The following GRIK2 variants were observed in gnomAD, a reference collection of about 807,000 sequenced individuals.
GRIK2 encodes the protein glutamate ionotropic receptor kainate type subunit 2, also known as glutamate receptor ionotropic, kainate 2.
A neutral mutation model predicts 100.3 loss-of-function variants in GRIK2; 32 were observed. That is an observed-to-expected ratio of 0.32 (90% CI 0.24 to 0.43). The LOEUF is 0.43. Ranked by LOEUF, GRIK2 falls within the 20% of genes least tolerant of loss-of-function variation. The pLI, the probability that GRIK2 is intolerant of heterozygous loss-of-function variation, is 1.00. For missense variants in GRIK2, 843 were observed against 1,114.9 expected, an observed-to-expected ratio of 0.76 and a Z score of 3.47; for synonymous variants, 417 against 389.4, an observed-to-expected ratio of 1.07 and a Z score of -0.83.
At chr6:101,470,379 T>A (rs531514339) in intron 2 of GRIK2, among the ~76,000 whole-genome samples, 13 of 152,148 alleles carry the variant, frequency 8.5e-5, no homozygotes, top group Non-Finnish European at 1.8e-4. Context: ...AGCTTCTTTA[T>A]TGTGGCCTCT....
intron 7 of GRIK2, among the ~76,000 whole-genome samples, chr6:101,703,421 A>C (rs897772253): frequency 1.3e-5 from 2 of 151,868 alleles, no homozygotes; most frequent in African/African-American, 4.8e-5. Context: ...TCAAGCTATG[A>C]GAACTGCTTA....
At chr6:101,703,808 G>C (rs1042074725) in intron 7 of GRIK2, among the ~76,000 whole-genome samples, 86 of 151,474 alleles carry the variant, frequency 5.7e-4, no homozygotes, top group African/African-American at 2.0e-3. Flanking sequence ...GTCTTAGATA[G>C]AAGCAGGGAT....
At chr6:101,761,215 C>T (rs1777639254) in intron 7 of GRIK2, among the ~76,000 whole-genome samples, 1 of 152,120 alleles carries the variant, frequency 6.6e-6, no homozygotes, top group South Asian at 2.1e-4. Context: ...CTTTGAATTC[C>T]ATGGCTACAA....
At chr6:101,765,075 CCTT>C (rs748625807) in intron 7 of GRIK2, among the ~76,000 whole-genome samples, 4 of 152,162 alleles carry the variant, frequency 2.6e-5, no homozygotes, top group Admixed American at 6.5e-5. Flanking sequence ...ACATCTTTCT[CCTT>C]CTCCACCTAA....
intron 7 of GRIK2, among the ~76,000 whole-genome samples, chr6:101,740,963 G>A (rs1775990054): frequency 6.6e-6 from 1 of 152,114 alleles, no homozygotes; most frequent in Admixed American, 6.6e-5. Context: ...AGATTTTTGA[G>A]GGGACAATTA....
chr6:102,004,948 T>G (rs2114279631), intron 14 of GRIK2, among the ~76,000 whole-genome samples: 1 of 151,952 alleles, frequency 6.6e-6, no homozygotes, highest in East Asian at 1.9e-4. Context: ...TAATATTAAT[T>G]TCTGGCATAA....
At chr6:102,012,533 A>G (rs1206756094) in intron 14 of GRIK2, among the ~76,000 whole-genome samples, 1 of 152,122 alleles carries the variant, frequency 6.6e-6, no homozygotes, top group Non-Finnish European at 1.5e-5. Context: ...TCATCAGAGT[A>G]TTATACTTTT....
rs1041330834 is a variant in GRIK2 at position 101,971,092 on chromosome 6, A to G, written c.2085+42460A>G. Among the ~76,000 whole-genome samples the G allele has an allele frequency of 9.3e-5, 14 of 150,818 alleles. 1 individual carries two copies. The highest frequency in any genetic ancestry group is 6.6e-4 in the Admixed American group (10 of 15,176). On this transcript the variant is annotated intron_variant, in intron 14 of 16. Coordinates refer to ENST00000369134, the MANE Select transcript of GRIK2 (RefSeq NM_021956.5). ...AGTTTGTACTTCTAAATTTTAGAAA[A>G]AGTTGTGAATTTTGAAATTTTTTCA...
chr6:101,910,075 T>C (rs1037401286), intron 12 of GRIK2, among the ~76,000 whole-genome samples: 13 of 151,216 alleles, frequency 8.6e-5, no homozygotes, highest in African/African-American at 3.1e-4. Flanking sequence ...AGAATTTGAG[T>C]ATTAAACAGA....
chr6:101,940,570 C>G (rs1162116481), intron 14 of GRIK2, among the ~76,000 whole-genome samples: 1 of 152,098 alleles, frequency 6.6e-6, no homozygotes, highest in African/African-American at 2.4e-5. Context: ...TTCCTAATCT[C>G]AGGCCTAATG....
At chr6:101,576,550 G>A (rs1337770752) in intron 2 of GRIK2, among the ~76,000 whole-genome samples, 1 of 151,840 alleles carries the variant, frequency 6.6e-6, no homozygotes, top group Non-Finnish European at 1.5e-5. Context: ...GGAAACTGAT[G>A]TGTTTACCAA....
chr6:101,641,802 C>T (rs1425448712), intron 4 of GRIK2, among the ~76,000 whole-genome samples: 1 of 151,894 alleles, frequency 6.6e-6, no homozygotes, highest in Non-Finnish European at 1.5e-5. Context: ...AAAAAGCATT[C>T]ACAGAGCCTA....
intron 2 of GRIK2, among the ~76,000 whole-genome samples, chr6:101,493,738 T>C (rs989577779): frequency 2.6e-5 from 4 of 151,612 alleles, no homozygotes; most frequent in African/African-American, 9.6e-5. Flanking sequence ...TTTGCCTCTA[T>C]AAAAACATTA....
chr6:101,508,124 G>A (rs902594307), intron 2 of GRIK2, among the ~76,000 whole-genome samples: 2 of 151,174 alleles, frequency 1.3e-5, no homozygotes, highest in African/African-American at 2.4e-5. Context: ...AAGTAATCCT[G>A]TTTTAAAGAT....
chr6:101,699,594 T>C (rs1772738299), intron 7 of GRIK2, among the ~76,000 whole-genome samples: 3 of 152,106 alleles, frequency 2.0e-5, no homozygotes, highest in African/African-American at 7.2e-5. Flanking sequence ...GTCTTGATTG[T>C]TTTTCTCCTA....
Position 101,621,022 on chromosome 6 carries a change from G to A in GRIK2, c.116-927G>A, listed in dbSNP as rs546996734. ...ATACTAGTTTTATTCATTGATTAAA[G>A]GAGTTGCATTGTTTTGGAGAGGCAT... On this transcript the variant is annotated intron_variant, in intron 2 of 16. Coordinates refer to ENST00000369134, the MANE Select transcript of GRIK2 (RefSeq NM_021956.5). Among the ~76,000 whole-genome samples, 28 of 152,268 alleles carry A rather than the reference G, an allele frequency of 1.8e-4. No individual in the cohort carries two copies. In the South Asian group the frequency reaches 5.8e-3, roughly 32 times the overall value.
chr6:101,868,884 T>G (rs1427175469), intron 11 of GRIK2, among the ~76,000 whole-genome samples: 1 of 151,882 alleles, frequency 6.6e-6, no homozygotes, highest in African/African-American at 2.4e-5. Flanking sequence ...CCATTCACAT[T>G]TTTAGGTACT....
chr6:101,796,151 A>G (rs950425326), intron 7 of GRIK2, among the ~76,000 whole-genome samples: 1 of 152,148 alleles, frequency 6.6e-6, no homozygotes, highest in African/African-American at 2.4e-5. Flanking sequence ...CTACGTCTAT[A>G]TGCTATGGTT....
At chr6:101,743,393 A>T (rs1179681299) in intron 7 of GRIK2, among the ~76,000 whole-genome samples, 2 of 152,226 alleles carry the variant, frequency 1.3e-5, no homozygotes, top group Non-Finnish European at 2.9e-5. Flanking sequence ...GGTGGGCCTA[A>T]TCAGGTCAGC....
Sources: gnomAD v4.1 joint callset for allele counts (sites outside exome capture counted in the v4.1 genomes callset) on GRCh38, gnomAD v4.1.1 for gene constraint, MANE v1.5 for transcripts, NCBI Gene and HGNC (gene_info 2026-07-23, HGNC 2026-07-21) for gene names.